Variants in POFUT3 observed in about 807,000 individuals in gnomAD.
The protein encoded by POFUT3 is protein O-fucosyltransferase 3.
the POFUT3 span, chr8:33,372,743 A>G: frequency 6.2e-7 from 1 of 1,614,016 alleles, no homozygotes; most frequent in South Asian, 1.1e-5. Flanking sequence ...GAAAGCAAAC[A>G]CTGTGGGCTC....
chr8:33,362,776 C>T, the POFUT3 span, among the ~76,000 whole-genome samples: 1 of 152,028 alleles, frequency 6.6e-6, no homozygotes, highest in Admixed American at 6.6e-5. Flanking sequence ...TAAAGCAAGT[C>T]CTTAGAGACC....
the POFUT3 span, among the ~76,000 whole-genome samples, chr8:33,460,154 A>C: frequency 6.6e-6 from 1 of 150,920 alleles, no homozygotes; most frequent in Non-Finnish European, 1.5e-5. Flanking sequence ...GTGCCACTGC[A>C]CTCCAGCCTG....
chr8:33,348,850 A>C, the POFUT3 span, among the ~76,000 whole-genome samples: 6 of 152,346 alleles, frequency 3.9e-5, no homozygotes, highest in South Asian at 1.0e-3. Context: ...TGAGCCTAGG[A>C]ATTCAGACAA....
At chr8:33,318,077 G>A in the POFUT3 span, among the ~76,000 whole-genome samples, 1 of 152,084 alleles carries the variant, frequency 6.6e-6, no homozygotes, top group Non-Finnish European at 1.5e-5. Context: ...GTGAGAGAGT[G>A]CAGTCTTTTG....
the POFUT3 span, among the ~76,000 whole-genome samples, chr8:33,359,191 G>A: frequency 2.6e-5 from 4 of 152,138 alleles, no homozygotes; most frequent in African/African-American, 7.2e-5. Flanking sequence ...ATCAATTGGT[G>A]AATCTAACTG....
the POFUT3 span, among the ~76,000 whole-genome samples, chr8:33,360,211 G>A: frequency 6.6e-6 from 1 of 152,132 alleles, no homozygotes; most frequent in Non-Finnish European, 1.5e-5. Context: ...TTGGGAGGCC[G>A]AGGCAGGCGG....
the POFUT3 span, among the ~76,000 whole-genome samples, chr8:33,459,364 G>A: frequency 6.6e-6 from 1 of 151,964 alleles, no homozygotes; most frequent in Admixed American, 6.6e-5. Flanking sequence ...GTGGAAGCCA[G>A]GCGCAGTGGC....
chr8:33,440,511 A>T, the POFUT3 span, among the ~76,000 whole-genome samples: 338 of 152,288 alleles, frequency 2.2e-3, 2 homozygotes, highest in Non-Finnish European at 4.0e-3. Flanking sequence ...AGGTTTTTAG[A>T]TGCCAGTTGT....
At chr8:33,384,694 G>A in the POFUT3 span, among the ~76,000 whole-genome samples, 20 of 152,102 alleles carry the variant, frequency 1.3e-4, no homozygotes, top group African/African-American at 3.6e-4. Flanking sequence ...GGTGGTGAGC[G>A]CCTGTAATCC....
the POFUT3 span, among the ~76,000 whole-genome samples, chr8:33,451,270 C>T: frequency 5.3e-5 from 8 of 152,004 alleles, no homozygotes; most frequent in African/African-American, 1.7e-4. Flanking sequence ...TTGAACATCA[C>T]GTTGGTGCTC....
the POFUT3 span, among the ~76,000 whole-genome samples, chr8:33,342,540 G>C: frequency 6.6e-6 from 1 of 151,122 alleles, no homozygotes; most frequent in Non-Finnish European, 1.5e-5. Context: ...TATACAGACA[G>C]CATAAAACCC....
At chr8:33,386,868 T>C in the POFUT3 span, among the ~76,000 whole-genome samples, 2 of 152,180 alleles carry the variant, frequency 1.3e-5, no homozygotes, top group Admixed American at 6.5e-5. Flanking sequence ...GCAATAATTA[T>C]CTCAATAGGG....
At chr8:33,457,606 T>C in the POFUT3 span, among the ~76,000 whole-genome samples, 2 of 152,126 alleles carry the variant, frequency 1.3e-5, no homozygotes, top group Non-Finnish European at 2.9e-5. Flanking sequence ...TTTTATTGGG[T>C]ATAATAGTAG....
At chr8:33,404,478 G>A in the POFUT3 span, among the ~76,000 whole-genome samples, 13 of 152,198 alleles carry the variant, frequency 8.5e-5, no homozygotes, top group Non-Finnish European at 1.8e-4. Flanking sequence ...ATACCACAAC[G>A]TGGAAAGACT....
At chr8:33,359,058 G>C in the POFUT3 span, among the ~76,000 whole-genome samples, 1 of 152,106 alleles carries the variant, frequency 6.6e-6, no homozygotes, top group Non-Finnish European at 1.5e-5. Context: ...ATAGCAGCCT[G>C]AATGAACTAA....
the POFUT3 span, among the ~76,000 whole-genome samples, chr8:33,430,878 G>A: frequency 2.8e-4 from 43 of 152,254 alleles, no homozygotes; most frequent in Non-Finnish European, 3.5e-4. Flanking sequence ...AAAGTGCTGC[G>A]ATTACAGGCG....
chr8:33,398,367 A>G, the POFUT3 span, among the ~76,000 whole-genome samples: 2 of 152,246 alleles, frequency 1.3e-5, 1 homozygote, highest in African/African-American at 4.8e-5. Flanking sequence ...TTTTAAACAC[A>G]GATGACTAGT....
chr8:33,417,109 G>A, the POFUT3 span, among the ~76,000 whole-genome samples: 41 of 152,302 alleles, frequency 2.7e-4, no homozygotes, highest in South Asian at 6.2e-4. Context: ...CCTCCTGTCA[G>A]ATCAGCAGCA....
chr8:33,465,548 C>T, the POFUT3 span, among the ~76,000 whole-genome samples: 4 of 152,028 alleles, frequency 2.6e-5, no homozygotes, highest in African/African-American at 4.8e-5. Context: ...CTGCAACCTC[C>T]GCCTCCTGAA....
Sources: allele counts gnomAD v4.1 joint callset (sites outside exome capture counted in the v4.1 genomes callset), GRCh38; gene constraint gnomAD v4.1.1; transcripts MANE v1.5; gene names NCBI Gene and HGNC (gene_info 2026-07-23, HGNC 2026-07-21).